Variants in BAIAP2 observed in about 807,000 individuals in gnomAD.
The protein encoded by BAIAP2 is BAR/IMD domain-containing adapter protein 2.
BAIAP2 carries 18 observed loss-of-function variants against 63.0 expected under a neutral mutation model. That is an observed-to-expected ratio of 0.29 (90% confidence interval 0.20 to 0.42). BAIAP2 has a LOEUF of 0.42. BAIAP2 is among the 10% of genes least tolerant of loss of function. The probability of loss-of-function intolerance (pLI) is 1.00; values close to 1 mark genes in which losing one functional copy is unlikely to be tolerated. For synonymous variants in BAIAP2, 386 were observed against 307.6 expected, an observed-to-expected ratio of 1.25 and a Z score of -2.67; for missense variants, 610 against 734.3, an observed-to-expected ratio of 0.83 and a Z score of 1.96.
chr17:81,089,131 C>G (rs944285267), intron 6 of BAIAP2, among the ~76,000 whole-genome samples: 1 of 152,264 alleles, frequency 6.6e-6, no homozygotes, highest in Non-Finnish European at 1.5e-5. Flanking sequence ...GCTCCTCAAG[C>G]CCATCCCACA....
chr17:81,108,509 G>C lies in BAIAP2; in HGVS notation c.1535G>C (p.Arg512Thr). ...GACTATGGAGCGCGGTCCATGAGCA[G>C]GTAAGGGGACTTTCAGACCTGTCTT... is the stretch of plus-strand genomic sequence containing the variant. ...LDDYGARSMS[R>T]NPFAHVQLKP... is the part of the protein sequence containing the mutation. Residue 512 changes from arginine (R) to threonine (T), a missense_variant and splice_region_variant, in exon 13 of 14, where the codon AGG (arginine) becomes ACG (threonine). By Grantham distance (71) the Arg-to-Thr change is moderately conservative. Transcript: ENST00000428708. 2 of 1,613,910 alleles carry C rather than the reference G, an allele frequency of 1.2e-6. No individual in the cohort carries two copies. The highest frequency in any genetic ancestry group is 1.7e-6 in the Non-Finnish European group (2 of 1,180,020).
rs759107749 is a variant in BAIAP2 at position 81,055,332 on chromosome 17, G to GT, written c.130+1591dup. 1.8e-4 allele frequency among the ~76,000 whole-genome samples: 27 copies of GT among 152,286 alleles called. No homozygotes were observed. The East Asian group carries it at 3.9e-3, about 22-fold the overall frequency. On this transcript the variant is annotated intron_variant, in intron 2 of 13. Coordinates refer to ENST00000428708, the MANE Select transcript of BAIAP2 (RefSeq NM_001144888.2). ...CAGTTGTGCCCGCCTGCCACATCTAGTTGGGGGTGGCCTTCATGTTTCCTT... is the reference window on the plus strand; with the variant it reads ...CAGTTGTGCCCGCCTGCCACATCTAGTTTGGGGGTGGCCTTCATGTTTCCTT...
chr17:81,105,641 A>G (rs2059094843), intron 10 of BAIAP2: 2 of 171,578 alleles, frequency 1.2e-5, no homozygotes, highest in Admixed American at 6.0e-5. Context: ...AGGCCCTGAC[A>G]TTTGTGCCTT....
chr17:81,038,903 G>A (rs375814809), intron 1 of BAIAP2, among the ~76,000 whole-genome samples: 10 of 152,104 alleles, frequency 6.6e-5, no homozygotes, highest in Admixed American at 1.3e-4. Flanking sequence ...TCCTGGGTGG[G>A]GGGGGCAGCA....
At position 81,043,655 on chromosome 17, in the gene BAIAP2, C is replaced by T. The variant is rs1014298724; in HGVS notation, c.54+8347C>T. ...CTGCCACTGTGCACACCGGACACTG[C>T]GCTGGACATTCTCTGTGCTCAGCCT... is the stretch of plus-strand genomic sequence containing the variant. On this transcript the variant is annotated intron_variant, in intron 1 of 13. Coordinates refer to ENST00000428708, the MANE Select transcript of BAIAP2 (RefSeq NM_001144888.2). Among the ~76,000 whole-genome samples, 100 of 152,220 alleles carry T rather than the reference C, an allele frequency of 6.6e-4. 1 individual carries two copies. The highest frequency in any genetic ancestry group is 2.2e-3 in the African/African-American group (93 of 41,448).
chr17:81,105,852 A>G, intron 10 of BAIAP2: 1 of 484,958 alleles, frequency 2.1e-6, no homozygotes, highest in Non-Finnish European at 3.7e-6. Context: ...TGGGGCCGGC[A>G]GCTCCCACCA....
intron 1 of BAIAP2, among the ~76,000 whole-genome samples, chr17:81,051,696 T>C (rs1273184393): frequency 6.6e-6 from 1 of 152,030 alleles, no homozygotes; most frequent in Non-Finnish European, 1.5e-5. Flanking sequence ...CCGGCCTGTT[T>C]TATTTTTTTT....
intron 6 of BAIAP2, among the ~76,000 whole-genome samples, chr17:81,096,435 A>AT (rs2057623833): frequency 6.6e-6 from 1 of 152,186 alleles, no homozygotes; most frequent in African/African-American, 2.4e-5. Flanking sequence ...AGGCACCCCC[A>AT]TCACAGGCCA....
At chr17:81,097,797 G>C (rs529580609) in intron 6 of BAIAP2, 16 of 262,408 alleles carry the variant, frequency 6.1e-5, no homozygotes, top group African/African-American at 3.1e-4. Flanking sequence ...GCCTCCTGCG[G>C]CCTCCCAGGA....
chr17:81,082,402 T>C (rs2054791530), intron 3 of BAIAP2, among the ~76,000 whole-genome samples: 1 of 152,034 alleles, frequency 6.6e-6, no homozygotes, highest in African/African-American at 2.4e-5. Flanking sequence ...GGCCCAGGCA[T>C]GTCATCTTCG....
chr17:81,098,237 A>T, intron 6 of BAIAP2: 1 of 1,279,656 alleles, frequency 7.8e-7, no homozygotes, highest in South Asian at 2.5e-5. Context: ...GCAGGCTGGG[A>T]GGCGCCTCTG....
At chr17:81,067,698 C>A (rs1012606802) in intron 3 of BAIAP2, among the ~76,000 whole-genome samples, 6 of 152,214 alleles carry the variant, frequency 3.9e-5, no homozygotes, top group Non-Finnish European at 7.3e-5. Context: ...TGTCCTCTGC[C>A]GGCGTTGCTG....
At chr17:81,084,754 G>C (rs2055276972) in intron 3 of BAIAP2, 78 bp from the exon 4 acceptor site, 2 of 1,465,684 alleles carry the variant, frequency 1.4e-6, no homozygotes, top group South Asian at 2.3e-5. Context: ...CTGGGTGGCT[G>C]TCAGCCCAGA....
chr17:81,100,847 C>G (rs1431006748), intron 7 of BAIAP2, among the ~76,000 whole-genome samples: 1 of 152,168 alleles, frequency 6.6e-6, no homozygotes, highest in Admixed American at 6.5e-5. Flanking sequence ...GGGTCCTCCC[C>G]TGGCTCCCAG....
intron 1 of BAIAP2, among the ~76,000 whole-genome samples, chr17:81,039,437 G>A (rs777273168): frequency 5.3e-5 from 8 of 152,228 alleles, no homozygotes; most frequent in Non-Finnish European, 8.8e-5. Context: ...CATGAAGTCC[G>A]TGTCTACCGA....
At chr17:81,104,415 G>A (rs2145920571) in intron 9 of BAIAP2, 99 bp from the exon 10 acceptor site, 3 of 1,327,094 alleles carry the variant, frequency 2.3e-6, no homozygotes, top group African/African-American at 1.5e-5. Flanking sequence ...CCCACCTGGG[G>A]CACAGGCGGC....
At chr17:81,115,016 G>T (rs1381359817) in intron 13 of BAIAP2, among the ~76,000 whole-genome samples, 1 of 152,258 alleles carries the variant, frequency 6.6e-6, no homozygotes, top group Non-Finnish European at 1.5e-5. Context: ...ATCCTGTCCT[G>T]TGCTGTCCCC....
intron 7 of BAIAP2, among the ~76,000 whole-genome samples, chr17:81,102,473 T>C (rs988099161): frequency 3.3e-5 from 5 of 152,222 alleles, no homozygotes; most frequent in Non-Finnish European, 7.3e-5. Flanking sequence ...CCGTGCCGTC[T>C]CCAGCTCTGT....
chr17:81,080,545 AC>A (rs2054432415), intron 3 of BAIAP2, among the ~76,000 whole-genome samples: 1 of 151,660 alleles, frequency 6.6e-6, no homozygotes. Flanking sequence ...CCTGGCCAGA[AC>A]CCCCTGAGAA....
Sources: allele counts gnomAD v4.1 joint callset (sites outside exome capture counted in the v4.1 genomes callset), GRCh38; gene constraint gnomAD v4.1.1; transcripts MANE v1.5; gene names NCBI Gene and HGNC (gene_info 2026-07-23, HGNC 2026-07-21).